Variants in KCNG2 observed in about 807,000 individuals in gnomAD.
KCNG2 encodes the protein voltage-gated potassium channel regulatory subunit KCNG2.
Under a neutral mutation model 12.3 loss-of-function variants are expected in KCNG2, and 7 were observed. That is an observed-to-expected ratio of 0.57 (90% CI 0.32 to 1.07). KCNG2 has a LOEUF of 1.07. Ranked by LOEUF, KCNG2 falls within the 50% of genes least tolerant of loss-of-function variation. The pLI, the probability that KCNG2 is intolerant of heterozygous loss-of-function variation, is 0.04. For missense variants in KCNG2, 703 were observed against 726.0 expected (o/e 0.97, Z 0.36); for synonymous variants, 414 against 351.4 (o/e 1.18, Z -1.99).
At chr18:79,865,096 C>G (rs1286415458) in intron 3 of KCNG2, among the ~76,000 whole-genome samples, 2 of 141,836 alleles carry the variant, frequency 1.4e-5, no homozygotes, top group Non-Finnish European at 3.0e-5. Context: ...GGTCTGTGTG[C>G]TGAGAGGACC....
intron 3 of KCNG2, among the ~76,000 whole-genome samples, chr18:79,887,167 A>G (rs1411728818): frequency 7.1e-6 from 1 of 140,974 alleles, no homozygotes; most frequent in Non-Finnish European, 1.5e-5. Context: ...CAGAGGGACA[A>G]GGACACAGGG....
chr18:79,798,646 G>A (rs1020298219), intron 1 of KCNG2, among the ~76,000 whole-genome samples: 4 of 152,236 alleles, frequency 2.6e-5, no homozygotes, highest in African/African-American at 9.6e-5. Context: ...GGGGAGAGAA[G>A]ACCCAGCTCC....
At chr18:79,815,066 A>G (rs1031088286) in intron 1 of KCNG2, among the ~76,000 whole-genome samples, 1 of 152,196 alleles carries the variant, frequency 6.6e-6, no homozygotes, top group Non-Finnish European at 1.5e-5. Context: ...GAACTTTAGT[A>G]TCAAAATAAT....
In KCNG2 at chr18:79,818,372, G is replaced by A. The variant is rs190227003; in HGVS notation, c.-115+20358G>A. Among the ~76,000 whole-genome samples, 101 of 152,322 alleles carry A rather than the reference G, an allele frequency of 6.6e-4. 1 individual carries two copies. Among genetic ancestry groups the A allele is most frequent in the African/African-American group, 2.2e-3 (93 of 41,574 alleles). ...CCCATGCCCACCTTGGCCAGCCCGCGAGAGATGCGCCAGGGTCGACTGCAG... is the reference window on the plus strand; with the variant it reads ...CCCATGCCCACCTTGGCCAGCCCGCAAGAGATGCGCCAGGGTCGACTGCAG... On this transcript the variant is annotated intron_variant, in intron 1 of 3. Coordinates refer to ENST00000316249, the MANE Select transcript of KCNG2 (RefSeq NM_012283.2).
intron 1 of KCNG2, among the ~76,000 whole-genome samples, chr18:79,828,987 G>A (rs1410795963): frequency 9.6e-4 from 112 of 116,072 alleles, no homozygotes; most frequent in Admixed American, 2.0e-3. Flanking sequence ...CTATGTGTGC[G>A]TGTGTGTAAC....
chr18:79,865,770 G>A (rs1326440581), intron 3 of KCNG2, among the ~76,000 whole-genome samples: 1 of 132,636 alleles, frequency 7.5e-6, no homozygotes, highest in Non-Finnish European at 1.7e-5. Context: ...TGAGAGGTCT[G>A]TGTGCTGAGA....
intron 3 of KCNG2, among the ~76,000 whole-genome samples, chr18:79,897,396 T>C (rs1981017469): frequency 1.3e-5 from 2 of 152,234 alleles, no homozygotes; most frequent in African/African-American, 4.8e-5. Flanking sequence ...TATTGCACTT[T>C]TCAATTCCAG....
chr18:79,823,948 G>A (rs906120663), intron 1 of KCNG2, among the ~76,000 whole-genome samples: 9 of 152,176 alleles, frequency 5.9e-5, no homozygotes, highest in African/African-American at 4.8e-5. Context: ...CACATTCCTT[G>A]TGAAATTTGT....
At chr18:79,864,346 T>C in intron 3 of KCNG2, 55 bp downstream of exon 3, 1 of 528,700 alleles carries the variant, frequency 1.9e-6, no homozygotes, top group South Asian at 2.0e-5. Context: ...TGGGCTGGGA[T>C]CTGGGCTGCG....
chr18:79,887,053 C>T (rs531072654), intron 3 of KCNG2, among the ~76,000 whole-genome samples: 3 of 137,572 alleles, frequency 2.2e-5, no homozygotes, highest in African/African-American at 8.8e-5. Flanking sequence ...AACATAGGGA[C>T]GTGGGGACAG....
chr18:79,835,886 C>CA, intron 1 of KCNG2, among the ~76,000 whole-genome samples: 1 of 151,882 alleles, frequency 6.6e-6, no homozygotes, highest in Non-Finnish European at 1.5e-5. Flanking sequence ...AGAACAGATA[C>CA]AAAAAACACA....
At chr18:79,880,607 G>A (rs983786512) in intron 3 of KCNG2, among the ~76,000 whole-genome samples, 1 of 152,006 alleles carries the variant, frequency 6.6e-6, no homozygotes, top group African/African-American at 2.4e-5. Flanking sequence ...ATTCCAAGAG[G>A]CCAATACTCC....
At chr18:79,878,263 GCGCC>G (rs1980153273) in intron 3 of KCNG2, among the ~76,000 whole-genome samples, 1 of 151,980 alleles carries the variant, frequency 6.6e-6, no homozygotes, top group African/African-American at 2.4e-5. Context: ...TGTGCAGAGG[GCGCC>G]TGATGCCCAC....
chr18:79,891,411 C>T lies in KCNG2; in HGVS notation c.625-7629C>T, dbSNP rs527502877. Among the ~76,000 whole-genome samples the T allele has an allele frequency of 1.6e-4, 24 of 151,906 alleles. No homozygotes were observed. The South Asian group carries it at 4.6e-3, about 29-fold the overall frequency. On this transcript the variant is annotated intron_variant, in intron 3 of 3. Coordinates refer to ENST00000316249, the MANE Select transcript of KCNG2 (RefSeq NM_012283.2). ...ACACCCAGCTAATTTTTGTATGTCT[C>T]GTAGAGATGGGGTTTCACCATGTTG... is the stretch of plus-strand genomic sequence containing the variant.
intron 3 of KCNG2, among the ~76,000 whole-genome samples, chr18:79,880,115 T>G (rs1260913878): frequency 1.3e-5 from 2 of 152,144 alleles, no homozygotes; most frequent in Non-Finnish European, 2.9e-5. Context: ...GTTACAGTTA[T>G]GGTGGTTGAA....
rs1038734472 is a variant in KCNG2 at position 79,899,818 on chromosome 18, G to A, written c.*2G>A. ...CTGTGGGTGCGGGCAGGGCGCTGAC[G>A]CCTGCGCCGCCCACACGGAGACCCC... On this transcript the variant is annotated 3_prime_UTR_variant, in exon 4 of 4. Coordinates refer to ENST00000316249, the MANE Select transcript of KCNG2 (RefSeq NM_012283.2). The A allele has an allele frequency of 9.5e-6, 13 of 1,367,538 alleles. No individual in the cohort carries two copies. The highest frequency in any genetic ancestry group is 8.6e-5 in the South Asian group (5 of 58,126). 84.7% of individuals were successfully genotyped at this position (1,367,538 alleles called of 1,614,324 possible).
intron 1 of KCNG2, among the ~76,000 whole-genome samples, chr18:79,829,359 G>T (rs529973906): frequency 6.6e-6 from 1 of 152,238 alleles, no homozygotes; most frequent in Admixed American, 6.5e-5. Flanking sequence ...GTGTGTATCT[G>T]CACGTGTCAC....
chr18:79,879,074 G>A (rs912808064), intron 3 of KCNG2, among the ~76,000 whole-genome samples: 3 of 152,248 alleles, frequency 2.0e-5, no homozygotes, highest in Admixed American at 2.0e-4. Flanking sequence ...CTCCTGGAGG[G>A]TGGTAGCGTG....
chr18:79,864,838 T>TGTGCTGAGAAGTCTGG (rs1979397382), intron 3 of KCNG2, among the ~76,000 whole-genome samples: 1 of 126,260 alleles, frequency 7.9e-6, no homozygotes, highest in East Asian at 2.7e-4. Flanking sequence ...CCGAGGTCTG[T>TGTGCTGAGAAGTCTGG]GTGCTGAGAA....
Sources: allele counts gnomAD v4.1 joint callset (sites outside exome capture counted in the v4.1 genomes callset), GRCh38; gene constraint gnomAD v4.1.1; transcripts MANE v1.5; gene names NCBI Gene and HGNC (gene_info 2026-07-23, HGNC 2026-07-21).